LDLRAD4: variants seen among roughly 807,000 people sequenced by gnomAD.
LDLRAD4 encodes the protein low density lipoprotein receptor class A domain containing 4.
A neutral mutation model predicts 17.0 loss-of-function variants in LDLRAD4; 5 were observed. The ratio of observed to expected loss-of-function variants is 0.29; its 90% CI spans 0.15 to 0.62. The LOEUF is 0.62. Ranked by LOEUF, LDLRAD4 falls within the 20% of genes least tolerant of loss-of-function variation. LDLRAD4 has a pLI of 0.84. For synonymous variants in LDLRAD4, 168 were observed against 171.8 expected (o/e 0.98, Z 0.17); for missense variants, 340 against 424.7 (o/e 0.80, Z 1.75).
At chr18:13,325,142 A>T (rs2081450731) in intron 1 of LDLRAD4, among the ~76,000 whole-genome samples, 1 of 152,316 alleles carries the variant, frequency 6.6e-6, no homozygotes, top group Admixed American at 6.5e-5. Context: ...CTGGGGAGAC[A>T]CGTGGCCTTC....
At chr18:13,536,801 G>A (rs1353941974) in intron 3 of LDLRAD4, among the ~76,000 whole-genome samples, 1 of 152,102 alleles carries the variant, frequency 6.6e-6, no homozygotes, top group African/African-American at 2.4e-5. Context: ...GTCTCCTTCT[G>A]TTCCTACTTT....
At chr18:13,328,551 C>T (rs2081659454) in intron 1 of LDLRAD4, among the ~76,000 whole-genome samples, 1 of 152,214 alleles carries the variant, frequency 6.6e-6, no homozygotes, top group Admixed American at 6.5e-5. Context: ...TTTCCAAATG[C>T]ATGAACTTCA....
intron 3 of LDLRAD4, among the ~76,000 whole-genome samples, chr18:13,529,755 C>G (rs1468947347): frequency 6.6e-6 from 1 of 152,220 alleles, no homozygotes; most frequent in African/African-American, 2.4e-5. Flanking sequence ...AATGTGTGCA[C>G]AGAAGACAGC....
chr18:13,404,349 T>C (rs1480680938), intron 2 of LDLRAD4, among the ~76,000 whole-genome samples: 1 of 151,706 alleles, frequency 6.6e-6, no homozygotes, highest in East Asian at 1.9e-4. Context: ...CTCAACAGAG[T>C]GGAGTGCCGC....
intron 1 of LDLRAD4, among the ~76,000 whole-genome samples, chr18:13,358,412 G>C (rs1019676967): frequency 6.6e-6 from 1 of 152,054 alleles, no homozygotes; most frequent in Non-Finnish European, 1.5e-5. Context: ...GATATATCCA[G>C]TTCAAACAGA....
intron 1 of LDLRAD4, among the ~76,000 whole-genome samples, chr18:13,268,702 C>T (rs1350924906): frequency 1.3e-5 from 2 of 152,216 alleles, no homozygotes; most frequent in African/African-American, 4.8e-5. Flanking sequence ...AAATTCTTAA[C>T]AAAGTTAGTG....
intron 3 of LDLRAD4, among the ~76,000 whole-genome samples, chr18:13,582,996 G>A (rs2094884485): frequency 6.6e-6 from 1 of 152,306 alleles, no homozygotes; most frequent in Admixed American, 6.5e-5. Flanking sequence ...GATTATAGGG[G>A]TGAGCCACCG....
intron 3 of LDLRAD4, among the ~76,000 whole-genome samples, chr18:13,507,919 A>G (rs2093719829): frequency 6.6e-6 from 1 of 152,110 alleles, no homozygotes; most frequent in Admixed American, 6.5e-5. Flanking sequence ...CTTAGTGAGG[A>G]AGGCAGGTTG....
intron 1 of LDLRAD4, among the ~76,000 whole-genome samples, chr18:13,307,264 C>T (rs1051073670): frequency 6.6e-6 from 1 of 152,134 alleles, no homozygotes; most frequent in Non-Finnish European, 1.5e-5. Flanking sequence ...CTGTCTCTGC[C>T]CCGCCTGAGA....
intron 1 of LDLRAD4, among the ~76,000 whole-genome samples, chr18:13,319,597 T>C (rs995103450): frequency 1.6e-4 from 24 of 152,236 alleles, no homozygotes; most frequent in African/African-American, 5.5e-4. Context: ...GTGCGTGTTT[T>C]AGATTTGCCT....
chr18:13,266,221 C>T (rs546175818), intron 1 of LDLRAD4, among the ~76,000 whole-genome samples: 54 of 152,302 alleles, frequency 3.5e-4, no homozygotes, highest in African/African-American at 1.1e-3. Context: ...AGGGCTCCCC[C>T]GACTTCTTCC....
At chr18:13,369,904 C>G (rs2084332887) in intron 1 of LDLRAD4, among the ~76,000 whole-genome samples, 1 of 152,214 alleles carries the variant, frequency 6.6e-6, no homozygotes, top group South Asian at 2.1e-4. Flanking sequence ...GTAATTCAGC[C>G]CCGCCCTGCA....
At position 13,550,132 on chromosome 18, in the gene LDLRAD4, A is replaced by G. The variant is rs904874924; in HGVS notation, c.182-70985A>G. Among the ~76,000 whole-genome samples the G allele has an allele frequency of 2.6e-5, 4 of 152,204 alleles. No homozygotes were observed. In the South Asian group the frequency reaches 8.3e-4, roughly 32 times the overall value. On this transcript the variant is annotated intron_variant, in intron 3 of 5. Transcript: ENST00000359446. The stretch of plus-strand genomic sequence containing the variant: ...GCAATGGGCTTACTATCTACTTAAC[A>G]TAAGACTTGAAAACAGATTACCACA...
chr18:13,417,951 G>A (rs2089075546), intron 2 of LDLRAD4, among the ~76,000 whole-genome samples: 1 of 152,154 alleles, frequency 6.6e-6, no homozygotes. Context: ...GTTTCTATTG[G>A]TAGACACCAC....
chr18:13,559,111 G>T lies in LDLRAD4; in HGVS notation c.182-62006G>T, dbSNP rs1487320579. On this transcript the variant is annotated intron_variant, in intron 3 of 5. Transcript: ENST00000359446. The stretch of plus-strand genomic sequence containing the variant: ...CAGGGAGTCTCGATGGATCACCACT[G>T]ATCTTTGGTATCTGTAAAGGTGTCA... Among the ~76,000 whole-genome samples, 3 of 152,362 alleles carry T rather than the reference G, an allele frequency of 2.0e-5. No homozygotes were observed. In the East Asian group the frequency reaches 5.8e-4, roughly 29 times the overall value.
rs56035558 is a variant in LDLRAD4 at position 13,594,665 on chromosome 18, C to CAAAAAAAAAAAAAAAAAA, written c.182-26445_182-26428dup. Among the ~76,000 whole-genome samples, 187 of 29,538 alleles carry CAAAAAAAAAAAAAAAAAA rather than the reference C, an allele frequency of 6.3e-3. 3 individuals are homozygous for CAAAAAAAAAAAAAAAAAA. Among genetic ancestry groups the CAAAAAAAAAAAAAAAAAA allele is most frequent in the South Asian group, 0.014 (7 of 494 alleles). The allele number at this position is 29,538 out of a possible 152,430, so 19.4% of individuals were successfully genotyped here. A position where few individuals can be genotyped will look rare whatever the true frequency, so the allele number is the denominator to read the frequency against. ...TGGGTGACAGAGCAAGATTCCATCT[C>CAAAAAAAAAAAAAAAAAA]AAAAAAAAAAAAAAAAAAAAAAAAG... is the stretch of plus-strand genomic sequence containing the variant. On this transcript the variant is annotated intron_variant, in intron 3 of 5. Coordinates refer to ENST00000359446, the Ensembl canonical transcript of LDLRAD4.
chr18:13,389,376 C>T (rs1338415796), intron 2 of LDLRAD4, among the ~76,000 whole-genome samples: 2 of 152,140 alleles, frequency 1.3e-5, no homozygotes, highest in Non-Finnish European at 2.9e-5. Context: ...GATACCCCTC[C>T]CCTCCAGGTG....
intron 3 of LDLRAD4, chr18:13,561,438 T>G (rs1437440688): frequency 6.6e-6 from 1 of 152,164 alleles, no homozygotes; most frequent in East Asian, 1.9e-4. Context: ...TGAGCACCAT[T>G]TTTATATAGG....
rs371197814 is a variant in LDLRAD4, at chr18:13,330,549, A to C, written c.-383+52361A>C. ...TGGAAACCTAATCTTTTTTATTGCT[A>C]CCGTAAATAGGATCTGATTATTTGT... On this transcript the variant is annotated intron_variant, in intron 1 of 5. Coordinates refer to ENST00000359446, the Ensembl canonical transcript of LDLRAD4. Among the ~76,000 whole-genome samples the C allele has an allele frequency of 4.6e-5, 7 of 152,170 alleles. No homozygotes were observed. In the South Asian group the frequency reaches 1.0e-3, roughly 23 times the overall value.
Sources: allele counts gnomAD v4.1 joint callset (sites outside exome capture counted in the v4.1 genomes callset), GRCh38; gene constraint gnomAD v4.1.1; transcripts MANE v1.5; gene names NCBI Gene and HGNC (gene_info 2026-07-23, HGNC 2026-07-21).